The following BICC1 variants were observed in gnomAD, a reference collection of about 807,000 sequenced individuals.
BICC1 encodes the protein BicC family RNA binding protein 1.
In BICC1, 43 loss-of-function variants were observed where a neutral mutation model predicts 111.0. The ratio of observed to expected loss-of-function variants is 0.39; its 90% confidence interval spans 0.30 to 0.50. The LOEUF is 0.50. Among genes scored for constraint, BICC1 ranks in the 20% least tolerant of loss-of-function variants. BICC1 has a pLI of 0.88. For missense variants in BICC1, 1,091 were observed against 1,203.2 expected, an observed-to-expected ratio of 0.91 and a Z score of 1.38; for synonymous variants, 467 against 434.4, an observed-to-expected ratio of 1.07 and a Z score of -0.93.
chr10:58,591,571 C>T (rs545780274), intron 1 of BICC1, among the ~76,000 whole-genome samples: 1 of 152,304 alleles, frequency 6.6e-6, no homozygotes, highest in African/African-American at 2.4e-5. Flanking sequence ...CCTGAAGACC[C>T]CACCTATTGA....
chr10:58,713,432 G>C (rs537660967), intron 3 of BICC1, among the ~76,000 whole-genome samples: 2 of 152,334 alleles, frequency 1.3e-5, no homozygotes, highest in Admixed American at 1.3e-4. Context: ...ATAGATGCCT[G>C]TTGTAATCTC....
intron 2 of BICC1, among the ~76,000 whole-genome samples, chr10:58,630,276 G>A (rs908053140): frequency 6.6e-6 from 1 of 152,160 alleles, no homozygotes; most frequent in African/African-American, 2.4e-5. Flanking sequence ...CTGGGGTTAG[G>A]AGAGGGAGAA....
chr10:58,772,549 C>T (rs1382879658), intron 3 of BICC1, among the ~76,000 whole-genome samples: 1 of 152,114 alleles, frequency 6.6e-6, no homozygotes, highest in Non-Finnish European at 1.5e-5. Flanking sequence ...AAAATTGAAT[C>T]CTTTGAAGGT....
At chr10:58,797,204 G>A (rs1355756560) in intron 10 of BICC1, among the ~76,000 whole-genome samples, 1 of 152,164 alleles carries the variant, frequency 6.6e-6, no homozygotes, top group Non-Finnish European at 1.5e-5. Context: ...AGTTTTGCTA[G>A]ATTTATTTCT....
intron 3 of BICC1, among the ~76,000 whole-genome samples, 163 bp downstream of exon 3, chr10:58,702,306 AG>A (rs1434145597): frequency 3.3e-5 from 5 of 152,216 alleles, no homozygotes; most frequent in Non-Finnish European, 5.9e-5. Flanking sequence ...TAAAAATTAT[AG>A]TTTTTATCCA....
chr10:58,630,292 G>C (rs1168886566), intron 2 of BICC1, among the ~76,000 whole-genome samples: 1 of 152,140 alleles, frequency 6.6e-6, no homozygotes, highest in Non-Finnish European at 1.5e-5. Context: ...GAGAAGCTGT[G>C]AATAAGTGGT....
chr10:58,643,911 T>A (rs906700556), intron 2 of BICC1, among the ~76,000 whole-genome samples: 7 of 152,302 alleles, frequency 4.6e-5, no homozygotes, highest in Admixed American at 4.6e-4. Context: ...GCAGAATATG[T>A]CCTCAACAGC....
chr10:58,597,871 A>G (rs1844873272), intron 1 of BICC1, among the ~76,000 whole-genome samples: 1 of 152,000 alleles, frequency 6.6e-6, no homozygotes, highest in African/African-American at 2.4e-5. Context: ...TTGTTCCCTA[A>G]CAATCGCTGT....
intron 3 of BICC1, among the ~76,000 whole-genome samples, chr10:58,741,743 G>A (rs775825790): frequency 3.3e-5 from 5 of 152,054 alleles, no homozygotes; most frequent in Non-Finnish European, 5.9e-5. Flanking sequence ...TTAAACCCAT[G>A]CCTTTTATTT....
At chr10:58,580,480 C>T (rs1391760889) in intron 1 of BICC1, among the ~76,000 whole-genome samples, 1 of 152,086 alleles carries the variant, frequency 6.6e-6, no homozygotes, top group Non-Finnish European at 1.5e-5. Context: ...ACTTGGGATG[C>T]TTAACTGGTA....
chr10:58,644,138 A>G (rs1442078193), intron 2 of BICC1, among the ~76,000 whole-genome samples: 1 of 152,110 alleles, frequency 6.6e-6, no homozygotes, highest in African/African-American at 2.4e-5. Flanking sequence ...GAATATTATT[A>G]TTGCTAATAA....
At chr10:58,679,023 C>T (rs768282986) in intron 2 of BICC1, among the ~76,000 whole-genome samples, 1 of 152,130 alleles carries the variant, frequency 6.6e-6, no homozygotes, top group Non-Finnish European at 1.5e-5. Context: ...ATCTCTGGGA[C>T]ACAGCTAGAG....
At chr10:58,707,759 G>A (rs543069682) in intron 3 of BICC1, among the ~76,000 whole-genome samples, 22 of 151,924 alleles carry the variant, frequency 1.4e-4, no homozygotes, top group South Asian at 1.0e-3. Context: ...GTGCAATGGC[G>A]CAATCTCGGC....
intron 2 of BICC1, among the ~76,000 whole-genome samples, chr10:58,675,198 A>G (rs943775348): frequency 2.0e-5 from 3 of 152,292 alleles, no homozygotes; most frequent in Admixed American, 6.5e-5. Flanking sequence ...AAGGATTTGA[A>G]CACAGATATC....
intron 1 of BICC1, among the ~76,000 whole-genome samples, chr10:58,546,946 A>G (rs1843154383): frequency 1.3e-5 from 2 of 152,106 alleles, no homozygotes; most frequent in South Asian, 4.1e-4. Context: ...CTAGAGACCT[A>G]ATGGAGGTTT....
intron 1 of BICC1, among the ~76,000 whole-genome samples, chr10:58,607,063 T>TC (rs1845240811): frequency 6.6e-6 from 1 of 152,126 alleles, no homozygotes; most frequent in Non-Finnish European, 1.5e-5. Context: ...ACGCCTGTAA[T>TC]TCCAGCACTT....
intron 3 of BICC1, among the ~76,000 whole-genome samples, chr10:58,719,506 ACTTTT>A (rs896265866): frequency 6.3e-4 from 37 of 58,938 alleles, no homozygotes; most frequent in African/African-American, 1.8e-3. Flanking sequence ...ACATTTGGGC[ACTTTT>A]CTTTTTTTTT....
chr10:58,777,830 G>T (rs1842788019), intron 3 of BICC1, among the ~76,000 whole-genome samples: 1 of 152,112 alleles, frequency 6.6e-6, no homozygotes, highest in African/African-American at 2.4e-5. Context: ...TGAAAATTAG[G>T]TTTTTGAATT....
chr10:58,749,702 C>T (rs548959490), intron 3 of BICC1, among the ~76,000 whole-genome samples: 1 of 152,242 alleles, frequency 6.6e-6, no homozygotes, highest in South Asian at 2.1e-4. Context: ...GATAAAATTT[C>T]TGCCATTAAG....
Sources: gnomAD v4.1 joint callset for allele counts (sites outside exome capture counted in the v4.1 genomes callset) on GRCh38, gnomAD v4.1.1 for gene constraint, MANE v1.5 for transcripts, NCBI Gene and HGNC (gene_info 2026-07-23, HGNC 2026-07-21) for gene names.